Variants in PDE4D observed in about 807,000 individuals in gnomAD.
PDE4D encodes 3',5'-cyclic-AMP phosphodiesterase 4D.
Under a neutral mutation model 87.4 loss-of-function variants are expected in PDE4D, and 24 were observed. That is an observed-to-expected ratio of 0.27 (90% CI 0.20 to 0.39). The LOEUF (loss-of-function observed/expected upper bound fraction) is 0.39, where lower values mean the gene tolerates loss of function less well. PDE4D is among the 10% of genes least tolerant of loss of function. The pLI is 1.00. For synonymous variants in PDE4D, 384 were observed against 383.2 expected, an observed-to-expected ratio of 1.00 and a Z score of -0.02; for missense variants, 714 against 1,041.0, an observed-to-expected ratio of 0.69 and a Z score of 4.32.
At chr5:59,814,290 G>A (rs1768722280) in intron 1 of PDE4D, among the ~76,000 whole-genome samples, 3 of 152,142 alleles carry the variant, frequency 2.0e-5, no homozygotes, top group Admixed American at 2.0e-4. Context: ...TCAAGTAGTT[G>A]CGACAGAGAC....
In PDE4D at chr5:59,758,295, C is replaced by T. The variant is rs142159186; in HGVS notation, c.455+134873G>A. Among the ~76,000 whole-genome samples, 891 of 152,252 alleles carry T rather than the reference C, an allele frequency of 5.9e-3. 15 individuals carry two copies. The highest frequency in any genetic ancestry group is 0.032 in the Admixed American group (493 of 15,284). ...TTGGTTGTTTTAAGGGGTTAATGTA[C>T]ACAAAGTACCTGACACATGGCAGGA... On this transcript the variant is annotated intron_variant, in intron 1 of 14. Coordinates refer to ENST00000340635, the MANE Select transcript of PDE4D (RefSeq NM_001104631.2).
chr5:59,645,500 T>C lies in PDE4D; in HGVS notation c.455+247668A>G, dbSNP rs141694390. Reference sequence around the variant, plus strand: ...GCTAATTAGAAACTGAGTTAAAGATTCATTTAGTTTCAGTTTGGTGTGATT... The same window carrying C: ...GCTAATTAGAAACTGAGTTAAAGATCCATTTAGTTTCAGTTTGGTGTGATT... On this transcript the variant is annotated intron_variant, in intron 1 of 14. Coordinates refer to ENST00000340635, the MANE Select transcript of PDE4D (RefSeq NM_001104631.2). 4.6e-5 allele frequency among the ~76,000 whole-genome samples: 7 copies of C among 152,316 alleles called. No individual in the cohort carries two copies. In the East Asian group the frequency reaches 1.3e-3, roughly 29 times the overall value.
intron 1 of PDE4D, among the ~76,000 whole-genome samples, chr5:59,771,466 A>AGAGAG (rs1491441506): frequency 3.9e-5 from 3 of 76,444 alleles, no homozygotes; most frequent in African/African-American, 1.8e-4. Context: ...AGAAAGAAAG[A>AGAGAG]AAGAAAGAAA....
chr5:59,558,508 G>A (rs974774202), intron 1 of PDE4D: 1 of 152,162 alleles, frequency 6.6e-6, no homozygotes, highest in African/African-American at 2.4e-5. Flanking sequence ...CTCTGAAGCA[G>A]TAGCATGCAG....
intron 2 of PDE4D, among the ~76,000 whole-genome samples, chr5:60,048,614 T>G (rs539669569): frequency 4.5e-4 from 68 of 152,168 alleles, no homozygotes; most frequent in African/African-American, 1.6e-3. Context: ...TTATTTCTCC[T>G]TCACTTATGA....
chr5:59,477,955 A>G lies in PDE4D; in HGVS notation c.456-261987T>C, dbSNP rs1803584410. 2.0e-5 allele frequency among the ~76,000 whole-genome samples: 3 copies of G among 152,122 alleles called. No individual in the cohort carries two copies. In the South Asian group the frequency reaches 6.2e-4, roughly 32 times the overall value. On this transcript the variant is annotated intron_variant, in intron 1 of 14. Transcript: ENST00000340635. ...TTAATGCTGGAACATAAAACCAAAT[A>G]CCACACGCTCTCACTTGTAAGTGGG...
intron 1 of PDE4D, among the ~76,000 whole-genome samples, chr5:59,813,815 A>G (rs964017848): frequency 2.0e-5 from 3 of 152,146 alleles, no homozygotes; most frequent in African/African-American, 7.2e-5. Context: ...ACCAGTCTCA[A>G]CTCAGAAATA....
intron 1 of PDE4D, among the ~76,000 whole-genome samples, chr5:59,799,728 T>C (rs925742860): frequency 6.6e-6 from 1 of 152,336 alleles, no homozygotes; most frequent in African/African-American, 2.4e-5. Context: ...AGACATCTAT[T>C]GGATTGTCCA....
chr5:59,817,475 A>G (rs905834), intron 1 of PDE4D, among the ~76,000 whole-genome samples: 102,967 of 152,012 alleles, frequency 0.68, 36,327 homozygotes, highest in African/African-American at 0.87. Flanking sequence ...CTGGGTCACC[A>G]CTATGGACTG....
intron 5 of PDE4D, among the ~76,000 whole-genome samples, chr5:59,102,368 G>C (rs1185482557): frequency 6.6e-6 from 1 of 152,088 alleles, no homozygotes; most frequent in African/African-American, 2.4e-5. Flanking sequence ...TTACAGGCAT[G>C]AGCCATCGCG....
At chr5:59,258,722 GAT>G (rs1259476655) in intron 1 of PDE4D, among the ~76,000 whole-genome samples, 3 of 147,772 alleles carry the variant, frequency 2.0e-5, no homozygotes, top group Non-Finnish European at 3.0e-5. Flanking sequence ...ATCATATATA[GAT>G]ATATATATCA....
intron 1 of PDE4D, among the ~76,000 whole-genome samples, chr5:60,211,171 TC>T (rs1255177429): frequency 6.6e-6 from 1 of 152,170 alleles, no homozygotes; most frequent in Non-Finnish European, 1.5e-5. Flanking sequence ...AAACCGTCAT[TC>T]CGGAAACACA....
At chr5:60,219,303 T>C (rs1443230734) in intron 1 of PDE4D, among the ~76,000 whole-genome samples, 4 of 152,164 alleles carry the variant, frequency 2.6e-5, no homozygotes, top group African/African-American at 7.2e-5. Flanking sequence ...TGTATGACTT[T>C]TGTCAATTTG....
chr5:59,957,963 G>A (rs908294885), intron 3 of PDE4D, among the ~76,000 whole-genome samples: 3 of 152,078 alleles, frequency 2.0e-5, no homozygotes, highest in Non-Finnish European at 4.4e-5. Context: ...AGAGATAACA[G>A]AGTAAATAGG....
chr5:59,016,307 C>T (rs947951930), intron 6 of PDE4D, among the ~76,000 whole-genome samples: 1 of 149,854 alleles, frequency 6.7e-6, no homozygotes, highest in African/African-American at 2.4e-5. Context: ...TAGTCCCAAC[C>T]GCTGTATTCT....
At chr5:59,345,202 A>G (rs558881331) in intron 1 of PDE4D, among the ~76,000 whole-genome samples, 2 of 152,340 alleles carry the variant, frequency 1.3e-5, no homozygotes, top group South Asian at 4.1e-4. Flanking sequence ...TACACTGCCT[A>G]TGCATTTACT....
chr5:59,654,330 AG>A lies in PDE4D; in HGVS notation c.455+238837del, dbSNP rs374619490. On this transcript the variant is annotated intron_variant, in intron 1 of 14. Transcript: ENST00000340635. ...TCAGTACTTGCTAGTTCCAGACTAT[AG>A]TACCATATACAAAAGAGTTGAGAGT... Among the ~76,000 whole-genome samples the A allele has an allele frequency of 7.5e-4, 114 of 152,330 alleles. No individual in the cohort carries two copies. The East Asian group carries it at 0.019, about 25-fold the overall frequency.
chr5:59,346,236 G>C (rs1002440639), intron 1 of PDE4D, among the ~76,000 whole-genome samples: 1 of 152,096 alleles, frequency 6.6e-6, no homozygotes, highest in African/African-American at 2.4e-5. Flanking sequence ...TTGGGAGCTG[G>C]TAATATTTTG....
At chr5:59,643,433 G>C (rs1043398386) in intron 1 of PDE4D, among the ~76,000 whole-genome samples, 1 of 152,174 alleles carries the variant, frequency 6.6e-6, no homozygotes, top group African/African-American at 2.4e-5. Flanking sequence ...AGGAAGGAAT[G>C]ACAAAGACAC....
Sources: gnomAD v4.1 joint callset for allele counts (sites outside exome capture counted in the v4.1 genomes callset) on GRCh38, gnomAD v4.1.1 for gene constraint, MANE v1.5 for transcripts, NCBI Gene and HGNC (gene_info 2026-07-23, HGNC 2026-07-21) for gene names.